KLHL29: variants seen among roughly 807,000 people sequenced by gnomAD.
KLHL29 encodes kelch like family member 29, also known as kelch-like protein 29.
In KLHL29, 21 loss-of-function variants were observed where a neutral mutation model predicts 80.4. The ratio of observed to expected loss-of-function variants is 0.26; its 90% CI spans 0.19 to 0.38. The LOEUF (loss-of-function observed/expected upper bound fraction) is 0.38. Ranked by LOEUF, KLHL29 falls within the 10% of genes least tolerant of loss-of-function variation. The pLI is 1.00. For missense variants in KLHL29, 867 were observed against 1,223.9 expected (o/e 0.71, Z 4.35); for synonymous variants, 511 against 526.8 (o/e 0.97, Z 0.41).
chr2:23,706,347 G>A (rs777097226), intron 13 of KLHL29, 134 bp from the exon 14 acceptor site: 27 of 629,318 alleles, frequency 4.3e-5, no homozygotes, highest in Non-Finnish European at 6.1e-5. Flanking sequence ...AGAGGGCAAA[G>A]AAGGGCAGCA....
chr2:23,661,633 G>A (rs1477854695), intron 5 of KLHL29, among the ~76,000 whole-genome samples: 7 of 152,238 alleles, frequency 4.6e-5, no homozygotes, highest in African/African-American at 1.4e-4. Context: ...GGCTTTACTC[G>A]TGGCCGAGTA....
At chr2:23,590,446 G>A (rs1471581386) in intron 3 of KLHL29, among the ~76,000 whole-genome samples, 1 of 152,146 alleles carries the variant, frequency 6.6e-6, no homozygotes, top group African/African-American at 2.4e-5. Context: ...TGTAGGTTTT[G>A]TTTTTGCATC....
chr2:23,508,216 C>T (rs1665660936), intron 2 of KLHL29, among the ~76,000 whole-genome samples: 1 of 152,210 alleles, frequency 6.6e-6, no homozygotes, highest in Non-Finnish European at 1.5e-5. Context: ...GTGTAAGCAA[C>T]CGTCTTACTA....
intron 1 of KLHL29, among the ~76,000 whole-genome samples, chr2:23,393,616 ACTT>A (rs1436346837): frequency 6.6e-6 from 1 of 152,150 alleles, no homozygotes; most frequent in African/African-American, 2.4e-5. Context: ...GTATTTTCCA[ACTT>A]CTTCTGTTCT....
At position 23,681,924 on chromosome 2, in the gene KLHL29, C is replaced by T. The variant is rs146678043; in HGVS notation, c.941-2475C>T. ...AACTGGCCCTGTGCTGTCTCCCCTC[C>T]GCCTGGGCTGTGCGCAGGCGCCGCT... On this transcript the variant is annotated intron_variant, in intron 5 of 13. Transcript: ENST00000486442. This position sits in a 1 kb window ranked among gnomAD's most constrained non-coding sequence, Gnocchi z 4.2. 2.3e-3 allele frequency among the ~76,000 whole-genome samples: 350 copies of T among 152,264 alleles called. 2 individuals carry two copies. Among genetic ancestry groups the T allele is most frequent in the African/African-American group, 8.1e-3 (336 of 41,540 alleles).
At chr2:23,490,930 C>T (rs181828293) in intron 2 of KLHL29, among the ~76,000 whole-genome samples, 344 of 152,246 alleles carry the variant, frequency 2.3e-3, no homozygotes, top group African/African-American at 7.9e-3. Flanking sequence ...TCCTTCTTTA[C>T]ATCAGATTTT....
intron 3 of KLHL29, among the ~76,000 whole-genome samples, chr2:23,627,985 G>A (rs914508388): frequency 5.7e-5 from 8 of 140,372 alleles, no homozygotes; most frequent in South Asian, 2.4e-4. Context: ...TCGGCTCACC[G>A]CAACCTCCGC....
rs202215562 is a variant in KLHL29 at position 23,691,674 on chromosome 2, G to T, written c.1080G>T (p.Arg360Ser). 1 of 1,551,644 alleles carries T rather than the reference G, an allele frequency of 6.4e-7. No homozygotes were observed. Among genetic ancestry groups the T allele is most frequent in the Admixed American group, 2.0e-5 (1 of 51,008 alleles). Residue 360 changes from arginine (R) to serine (S), a missense_variant and splice_region_variant, in exon 7 of 14, where the codon AGG (arginine) becomes AGT (serine). By Grantham distance (110) the Arg-to-Ser change is moderately radical. Around this residue, in one of 2 missense-constraint regions of KLHL29, gnomAD observed 443 missense variants for 767.0 expected, o/e 0.58. Coordinates refer to ENST00000486442, the MANE Select transcript of KLHL29 (RefSeq NM_052920.2). ...CSLYFKDLIQ[R>S]SVQDSGQGGR... ...AGGACACCCTGGTCTCTGTGCCTAG[G>T]TCCGTGCAAGACAGCGGCCAGGGCG...
At chr2:23,537,581 A>G (rs969554709) in intron 2 of KLHL29, among the ~76,000 whole-genome samples, 1 of 152,158 alleles carries the variant, frequency 6.6e-6, no homozygotes, top group Non-Finnish European at 1.5e-5. Context: ...TAACCATACA[A>G]GATACTAGGA....
chr2:23,674,861 C>T (rs974972747), intron 5 of KLHL29, among the ~76,000 whole-genome samples: 1 of 152,138 alleles, frequency 6.6e-6, no homozygotes, highest in African/African-American at 2.4e-5. Flanking sequence ...TAGGGCCACC[C>T]TGCCCCTAAA....
intron 11 of KLHL29, 41 bp from the exon 12 acceptor site, chr2:23,703,144 AG>A: frequency 7.4e-7 from 1 of 1,356,738 alleles, no homozygotes; most frequent in African/African-American, 1.5e-5. Context: ...GCCCCGCACA[AG>A]GTCCATCTTG....
intron 2 of KLHL29, among the ~76,000 whole-genome samples, chr2:23,518,911 A>G (rs534230494): frequency 4.6e-5 from 7 of 152,308 alleles, no homozygotes; most frequent in East Asian, 1.9e-4. Context: ...CAAAGTGTTC[A>G]GTCTCCTCTG....
chr2:23,603,604 G>C (rs1235066469), intron 3 of KLHL29, among the ~76,000 whole-genome samples: 2 of 152,240 alleles, frequency 1.3e-5, no homozygotes, highest in Non-Finnish European at 2.9e-5. Context: ...TTCTAAAAGA[G>C]GGAGATCGAG....
intron 3 of KLHL29, among the ~76,000 whole-genome samples, chr2:23,603,102 G>A (rs1668613606): frequency 6.6e-6 from 1 of 152,198 alleles, no homozygotes. Flanking sequence ...GTAGGTCAAA[G>A]TCAGGGAAGT....
intron 5 of KLHL29, chr2:23,667,795 G>C (rs534949297): frequency 6.6e-6 from 1 of 152,502 alleles, no homozygotes; most frequent in Admixed American, 6.5e-5. Context: ...CTCCTTCGAG[G>C]TGACTTCCAG....
At chr2:23,414,224 G>T (rs979695147) in intron 1 of KLHL29, among the ~76,000 whole-genome samples, 1 of 152,210 alleles carries the variant, frequency 6.6e-6, no homozygotes, top group Non-Finnish European at 1.5e-5. Context: ...AGACAAAGTG[G>T]ATCTCAAATG....
intron 3 of KLHL29, among the ~76,000 whole-genome samples, chr2:23,568,754 G>T (rs1667648186): frequency 6.6e-6 from 1 of 152,240 alleles, no homozygotes; most frequent in African/African-American, 2.4e-5. Context: ...AGGTTGGAAA[G>T]AATTGTGATC....
At chr2:23,618,460 A>G (rs1669079295) in intron 3 of KLHL29, among the ~76,000 whole-genome samples, 1 of 152,136 alleles carries the variant, frequency 6.6e-6, no homozygotes, top group African/African-American at 2.4e-5. Context: ...CCTGAACAGA[A>G]CAAAAGCTGA....
chr2:23,526,546 T>C (rs1260333042), intron 2 of KLHL29, among the ~76,000 whole-genome samples: 1 of 151,986 alleles, frequency 6.6e-6, no homozygotes, highest in East Asian at 1.9e-4. Flanking sequence ...CCACTGAAGG[T>C]TGGAGGGGAG....
Sources: gnomAD v4.1 joint callset for allele counts (sites outside exome capture counted in the v4.1 genomes callset) on GRCh38, gnomAD v4.1.1 for gene constraint, gnomAD v4.1.1 regional missense constraint, Gnocchi (gnomAD v3.1) non-coding constraint, MANE v1.5 for transcripts, NCBI Gene and HGNC (gene_info 2026-07-23, HGNC 2026-07-21) for gene names.